The following MYO1B variants were observed in gnomAD, a reference collection of about 807,000 sequenced individuals.
The protein encoded by MYO1B is myosin IB, also known as unconventional myosin-Ib.
In MYO1B, 72 loss-of-function variants were observed where a neutral mutation model predicts 159.7. The observed-to-expected ratio is 0.45, with a 90% CI of 0.37 to 0.55. The LOEUF (loss-of-function observed/expected upper bound fraction) is 0.55, where lower values mean the gene tolerates loss of function less well. MYO1B is among the 20% of genes least tolerant of loss of function. MYO1B has a pLI of 0.00. For missense variants in MYO1B, 1,062 were observed against 1,364.8 expected (o/e 0.78, Z 3.50); for synonymous variants, 468 against 473.8 (o/e 0.99, Z 0.16).
chr2:191,393,540 G>C (rs2126108605), intron 20 of MYO1B, among the ~76,000 whole-genome samples: 1 of 152,214 alleles, frequency 6.6e-6, no homozygotes, highest in South Asian at 2.1e-4. Context: ...TTTTTAATTT[G>C]GTCATCAGAT....
intron 24 of MYO1B, among the ~76,000 whole-genome samples, chr2:191,406,601 G>C (rs1696929530): frequency 6.6e-6 from 1 of 152,214 alleles, no homozygotes; most frequent in Admixed American, 6.5e-5. Context: ...GGAGAGAGAT[G>C]GGAGAATGGC....
intron 1 of MYO1B, 121 bp from the exon 2 acceptor site, chr2:191,276,766 A>G: frequency 2.5e-6 from 3 of 1,212,370 alleles, no homozygotes; most frequent in Non-Finnish European, 2.3e-6. Flanking sequence ...AGGTTATGAC[A>G]TTTTTTAAGG....
chr2:191,284,438 C>T (rs116183627), intron 2 of MYO1B, among the ~76,000 whole-genome samples: 5,979 of 152,160 alleles, frequency 0.039, 399 homozygotes, highest in African/African-American at 0.14. Flanking sequence ...GTCACTGTGA[C>T]CACTGTAAGG....
chr2:191,269,714 T>C (rs1687345840), intron 1 of MYO1B, among the ~76,000 whole-genome samples: 1 of 152,028 alleles, frequency 6.6e-6, no homozygotes, highest in Admixed American at 6.6e-5. Flanking sequence ...AAGGCTGTGG[T>C]GGCGAGACAA....
intron 4 of MYO1B, among the ~76,000 whole-genome samples, chr2:191,336,855 A>G (rs938746039): frequency 1.2e-4 from 19 of 152,196 alleles, no homozygotes; most frequent in East Asian, 5.8e-4. Flanking sequence ...ATTCCTAGAA[A>G]AACTTTGGTG....
chr2:191,372,879 CTTTTTTTTTTTTTTTT>C (rs34444520), intron 13 of MYO1B, among the ~76,000 whole-genome samples: 1 of 70,104 alleles, frequency 1.4e-5, no homozygotes, highest in Non-Finnish European at 2.5e-5. Context: ...GTTATATTTC[CTTTTTTTTTTTTTTTT>C]TTTTTTTTTT....
Position 191,396,487 on chromosome 2 carries a change from G to A in MYO1B, c.2285G>A (p.Arg762Gln), listed in dbSNP as rs1382660780. The A allele has an allele frequency of 4.3e-6, 7 of 1,614,020 alleles. No homozygotes were observed. Among genetic ancestry groups the A allele is most frequent in the African/African-American group, 2.7e-5 (2 of 75,024 alleles). Residue 762 changes from arginine (R) to glutamine (Q), a missense_variant, in exon 21 of 31, where the codon CGG becomes CAG. By Grantham distance (43) the Arg-to-Gln change is conservative. Transcript: ENST00000392318. ...SSALVIQSYI[R>Q]GWKARKILRE... ...GCCTTAGTAATTCAGTCTTATATCC[G>A]GGGTTGGAAGGTGAGTTTAAAAGAA...
intron 4 of MYO1B, among the ~76,000 whole-genome samples, chr2:191,334,289 C>T (rs899651067): frequency 1.3e-5 from 2 of 152,068 alleles, no homozygotes; most frequent in African/African-American, 2.4e-5. Context: ...ATGTGACATC[C>T]GCCTTCTCAG....
intron 13 of MYO1B, among the ~76,000 whole-genome samples, chr2:191,375,622 A>G (rs1694658341): frequency 6.6e-6 from 1 of 152,124 alleles, no homozygotes; most frequent in Non-Finnish European, 1.5e-5. Flanking sequence ...TTTTATGGAT[A>G]TGCTGTAAAT....
chr2:191,360,777 G>A (rs1693618377), intron 8 of MYO1B, 48 bp downstream of exon 8: 1 of 1,355,354 alleles, frequency 7.4e-7, no homozygotes, highest in Non-Finnish European at 1.0e-6. Flanking sequence ...TGTTGTTGTT[G>A]TTGTTGTTGT....
At chr2:191,387,077 C>T (rs1312001229) in intron 16 of MYO1B, 147 bp from the exon 17 acceptor site, 2 of 713,310 alleles carry the variant, frequency 2.8e-6, no homozygotes, top group Admixed American at 2.8e-5. Context: ...GAGGCGAACT[C>T]ATTATGAGAG....
At chr2:191,414,227 G>A (rs1697424357) in intron 28 of MYO1B, 47 bp downstream of exon 28, 2 of 1,564,180 alleles carry the variant, frequency 1.3e-6, no homozygotes, top group Admixed American at 1.9e-5. Flanking sequence ...CTATTAGTTG[G>A]GATAGTCACC....
intron 23 of MYO1B, among the ~76,000 whole-genome samples, chr2:191,401,038 A>G (rs1431185945): frequency 6.6e-6 from 1 of 152,032 alleles, no homozygotes. Context: ...AATAAAACTA[A>G]TTGCTTACTA....
At chr2:191,311,963 A>G (rs1016692131) in intron 3 of MYO1B, among the ~76,000 whole-genome samples, 1 of 152,254 alleles carries the variant, frequency 6.6e-6, no homozygotes, top group Non-Finnish European at 1.5e-5. Context: ...GTAACTTAAC[A>G]TAACTTTTAT....
rs536078212 is a variant in MYO1B, at chr2:191,325,164, G to T, written c.252-4771G>T. On this transcript the variant is annotated intron_variant, in intron 3 of 30. Coordinates refer to ENST00000392318, the MANE Select transcript of MYO1B (RefSeq NM_001130158.3). ...ATTTTTAAAAAACACTTTTTTGGGG[G>T]TTAGTTTAGAAACACCCAGTTTTAG... Among the ~76,000 whole-genome samples the T allele has an allele frequency of 7.2e-5, 11 of 152,180 alleles. No individual in the cohort carries two copies. In the East Asian group the frequency reaches 2.1e-3, roughly 29 times the overall value.
At chr2:191,265,204 T>G (rs1357712311) in intron 1 of MYO1B, among the ~76,000 whole-genome samples, 1 of 151,800 alleles carries the variant, frequency 6.6e-6, no homozygotes, top group African/African-American at 2.4e-5. Context: ...TTTTTTTTTT[T>G]TTAAAGAAGG....
At chr2:191,322,422 T>C (rs1234104174) in intron 3 of MYO1B, among the ~76,000 whole-genome samples, 3 of 152,126 alleles carry the variant, frequency 2.0e-5, no homozygotes, top group Non-Finnish European at 4.4e-5. Context: ...AATCCACCTT[T>C]GAAAAAGAGT....
intron 4 of MYO1B, 56 bp from the exon 5 acceptor site, chr2:191,341,405 A>G (rs886166955): frequency 4.0e-6 from 6 of 1,502,074 alleles, no homozygotes; most frequent in Non-Finnish European, 5.5e-6. Flanking sequence ...CTCCTCCCCA[A>G]AAAGATTTTT....
At chr2:191,359,020 T>G (rs1372070650) in intron 7 of MYO1B, among the ~76,000 whole-genome samples, 2 of 152,240 alleles carry the variant, frequency 1.3e-5, no homozygotes, top group Non-Finnish European at 2.9e-5. Flanking sequence ...ATCAAGCCAC[T>G]TTCTTCTAAA....
Sources: gnomAD v4.1 joint callset for allele counts (sites outside exome capture counted in the v4.1 genomes callset) on GRCh38, gnomAD v4.1.1 for gene constraint, MANE v1.5 for transcripts, NCBI Gene and HGNC (gene_info 2026-07-23, HGNC 2026-07-21) for gene names.